Variants in PHTF2 observed in about 807,000 individuals in gnomAD.
PHTF2 encodes protein PHTF2.
In PHTF2, 60 loss-of-function variants were observed where a neutral mutation model predicts 101.2. The ratio of observed to expected loss-of-function variants is 0.59; its 90% CI spans 0.48 to 0.73. The LOEUF is 0.73. Among genes scored for constraint, PHTF2 ranks in the 30% least tolerant of loss-of-function variants. The pLI, the probability that PHTF2 is intolerant of heterozygous loss-of-function variation, is 0.00. For missense variants in PHTF2, 747 were observed against 908.7 expected, an observed-to-expected ratio of 0.82 and a Z score of 2.29; for synonymous variants, 311 against 307.3, an observed-to-expected ratio of 1.01 and a Z score of -0.13.
intron 5 of PHTF2, among the ~76,000 whole-genome samples, chr7:77,897,698 T>G (rs1336384769): frequency 2.6e-5 from 4 of 152,178 alleles, no homozygotes; most frequent in African/African-American, 9.7e-5. Flanking sequence ...GAATGTTATA[T>G]CTTGATGCTT....
intron 9 of PHTF2, among the ~76,000 whole-genome samples, chr7:77,915,688 C>T (rs777337079): frequency 7.9e-5 from 12 of 152,146 alleles, no homozygotes; most frequent in East Asian, 1.9e-4. Flanking sequence ...GGCCACCACT[C>T]TCGGGCCAGA....
At chr7:77,934,070 A>G (rs1450344250) in intron 12 of PHTF2, among the ~76,000 whole-genome samples, 1 of 152,204 alleles carries the variant, frequency 6.6e-6, no homozygotes, top group Admixed American at 6.6e-5. Context: ...TAGTTTTACT[A>G]GTAGCTAAGT....
intron 3 of PHTF2, among the ~76,000 whole-genome samples, chr7:77,877,107 TTCTC>T (rs1300137622): frequency 6.6e-6 from 1 of 151,756 alleles, no homozygotes; most frequent in Admixed American, 6.6e-5. Flanking sequence ...TAATGATCTT[TTCTC>T]TCTCTTTTTT....
intron 9 of PHTF2, among the ~76,000 whole-genome samples, chr7:77,913,711 A>C (rs1469459703): frequency 6.6e-6 from 1 of 152,138 alleles, no homozygotes; most frequent in Non-Finnish European, 1.5e-5. Flanking sequence ...AACCTCCCAA[A>C]GTGTTGAGAT....
intron 1 of PHTF2, among the ~76,000 whole-genome samples, chr7:77,803,907 A>C (rs1039012402): frequency 1.3e-5 from 2 of 152,218 alleles, no homozygotes; most frequent in Admixed American, 6.5e-5. Context: ...TTTCTGAAGA[A>C]AGTACATCAA....
chr7:77,822,360 A>G (rs181000887), intron 1 of PHTF2, among the ~76,000 whole-genome samples: 36 of 152,266 alleles, frequency 2.4e-4, no homozygotes, highest in Non-Finnish European at 4.7e-4. Context: ...TTCACTGGCT[A>G]CTAACCTCCA....
chr7:77,846,773 C>T (rs1796338360), intron 2 of PHTF2, among the ~76,000 whole-genome samples: 1 of 152,020 alleles, frequency 6.6e-6, no homozygotes, highest in South Asian at 2.1e-4. Flanking sequence ...TTCCGAGTAG[C>T]TGGGACTACA....
chr7:77,811,234 G>A (rs1221194418), intron 1 of PHTF2, among the ~76,000 whole-genome samples: 1 of 152,220 alleles, frequency 6.6e-6, no homozygotes, highest in Non-Finnish European at 1.5e-5. Context: ...GAATACCACA[G>A]ACATGATGTT....
intron 16 of PHTF2, 91 bp downstream of exon 15, chr7:77,942,877 CT>C (rs1417368774): frequency 5.2e-5 from 34 of 654,706 alleles, no homozygotes; most frequent in Non-Finnish European, 7.6e-5. Flanking sequence ...ATAAGTAAGC[CT>C]AGTTAGAAAG....
At chr7:77,799,012 G>C (rs1459552348) in intron 1 of PHTF2, 41 bp downstream of exon 1, 1 of 152,766 alleles carries the variant, frequency 6.5e-6, no homozygotes, top group African/African-American at 2.4e-5. Context: ...GGGCAGTGTG[G>C]AGGTCGTCGA....
At chr7:77,894,101 A>C (rs1202676054) in intron 5 of PHTF2, 108 bp downstream of exon 4, 7 of 869,994 alleles carry the variant, frequency 8.0e-6, no homozygotes, top group Non-Finnish European at 1.4e-5. Context: ...GGACTCGAAA[A>C]GAGTCACTGA....
intron 3 of PHTF2, among the ~76,000 whole-genome samples, chr7:77,855,939 A>G (rs1797143974): frequency 6.6e-6 from 1 of 152,160 alleles, no homozygotes; most frequent in African/African-American, 2.4e-5. Context: ...GTTAAAACAA[A>G]GTACTTTGTT....
At chr7:77,804,683 C>T (rs1792833707) in intron 1 of PHTF2, among the ~76,000 whole-genome samples, 1 of 152,102 alleles carries the variant, frequency 6.6e-6, no homozygotes, top group Non-Finnish European at 1.5e-5. Context: ...TTACTCTGTT[C>T]CTCTCCATAT....
intron 13 of PHTF2, 34 bp from the exon 13 acceptor site, chr7:77,939,996 T>G: frequency 6.6e-7 from 1 of 1,511,664 alleles, no homozygotes; most frequent in East Asian, 2.3e-5. Flanking sequence ...TAATTTTATT[T>G]TTCTTTTCTC....
intron 1 of PHTF2, among the ~76,000 whole-genome samples, chr7:77,813,067 A>G (rs1400405404): frequency 2.0e-5 from 3 of 152,228 alleles, no homozygotes; most frequent in Non-Finnish European, 4.4e-5. Context: ...CTATAGATGC[A>G]TGGTATTTAT....
At chr7:77,809,037 A>G (rs1584353455) in intron 1 of PHTF2, among the ~76,000 whole-genome samples, 3 of 152,212 alleles carry the variant, frequency 2.0e-5, no homozygotes, top group South Asian at 4.1e-4. Flanking sequence ...TTTGATTTTT[A>G]TTATTTTTAA....
chr7:77,949,799 A>C, exon 17 of PHTF2: 1 of 1,534,548 alleles, frequency 6.5e-7, no homozygotes, highest in Non-Finnish European at 8.9e-7. Context: ...ACAAGTAAAA[A>C]ATATAGTAAT....
chr7:77,953,480 T>C (rs1806729214), intron 18 of PHTF2, among the ~76,000 whole-genome samples: 1 of 152,206 alleles, frequency 6.6e-6, no homozygotes, highest in Non-Finnish European at 1.5e-5. Context: ...GTCTAGTTCT[T>C]ATATTAAAAA....
chr7:77,951,612 A>G lies in PHTF2; in HGVS notation c.2116-5A>G, dbSNP rs1806553002. 2 of 1,210,980 alleles carry G rather than the reference A, an allele frequency of 1.7e-6. No homozygotes were observed. The highest frequency in any genetic ancestry group is 2.6e-5 in the East Asian group (1 of 38,610). 75.0% of individuals were successfully genotyped at this position (1,210,980 alleles called of 1,614,324 possible). On this transcript the variant is annotated splice_region_variant and splice_polypyrimidine_tract_variant and intron_variant, in intron 17 of 19. Transcript: ENST00000416283. ...TTTGAAGCATTTCTATTCTTTTTAT[A>G]AAAGATAAACCTCTACTTGAAAATG...
Sources: gnomAD v4.1 joint callset for allele counts (sites outside exome capture counted in the v4.1 genomes callset) on GRCh38, gnomAD v4.1.1 for gene constraint, MANE v1.5 for transcripts, NCBI Gene and HGNC (gene_info 2026-07-23, HGNC 2026-07-21) for gene names.